The following CTNNA3 variants were observed in gnomAD, a reference collection of about 807,000 sequenced individuals.
The protein encoded by CTNNA3 is catenin alpha 3, also known as catenin alpha-3.
Under a neutral mutation model 95.7 loss-of-function variants are expected in CTNNA3, and 76 were observed. That is an observed-to-expected ratio of 0.79 (90% CI 0.66 to 0.96). The LOEUF is 0.96. CTNNA3 is among the 40% of genes least tolerant of loss of function. The probability of loss-of-function intolerance (pLI) is 0.00; values close to 1 mark genes in which losing one functional copy is unlikely to be tolerated. For synonymous variants in CTNNA3, 431 were observed against 374.4 expected (o/e 1.15, Z -1.74); for missense variants, 1,191 against 1,089.8 (o/e 1.09, Z -1.31).
intron 7 of CTNNA3, among the ~76,000 whole-genome samples, chr10:67,018,501 T>A (rs1445775701): frequency 6.6e-6 from 1 of 152,226 alleles, no homozygotes; most frequent in Admixed American, 6.5e-5. Flanking sequence ...GTTATAAACA[T>A]GTTTGGGAAC....
chr10:66,028,526 A>G (rs950044677), intron 15 of CTNNA3, among the ~76,000 whole-genome samples: 2 of 151,552 alleles, frequency 1.3e-5, no homozygotes, highest in African/African-American at 2.4e-5. Context: ...GTTCTCACTC[A>G]TAGGTGGGAA....
chr10:66,572,308 G>A (rs1388650192), intron 10 of CTNNA3, among the ~76,000 whole-genome samples: 6 of 151,598 alleles, frequency 4.0e-5, no homozygotes, highest in Admixed American at 1.3e-4. Flanking sequence ...GCTTAAACCC[G>A]GGAGGCGGAG....
chr10:66,590,988 A>G (rs938224424), intron 10 of CTNNA3, among the ~76,000 whole-genome samples: 7 of 152,122 alleles, frequency 4.6e-5, no homozygotes, highest in African/African-American at 1.4e-4. Context: ...ACTGAGTGGG[A>G]GTGGTTTTAA....
intron 15 of CTNNA3, among the ~76,000 whole-genome samples, chr10:66,016,910 T>C (rs1436930790): frequency 6.6e-6 from 1 of 152,198 alleles, no homozygotes; most frequent in East Asian, 1.9e-4. Flanking sequence ...AAATTCTGCA[T>C]TAGTATAACC....
At chr10:66,255,232 A>G (rs2090719813) in intron 13 of CTNNA3, among the ~76,000 whole-genome samples, 1 of 152,170 alleles carries the variant, frequency 6.6e-6, no homozygotes, top group African/African-American at 2.4e-5. Flanking sequence ...TAGGCCCTCT[A>G]TCCATGGTAG....
chr10:67,506,102 T>C (rs1839422139), intron 5 of CTNNA3, among the ~76,000 whole-genome samples: 1 of 152,222 alleles, frequency 6.6e-6, no homozygotes, highest in African/African-American at 2.4e-5. Context: ...GCAATTTACA[T>C]TGTAAAAATT....
At chr10:66,617,938 T>A (rs1844585420) in intron 10 of CTNNA3, among the ~76,000 whole-genome samples, 1 of 151,426 alleles carries the variant, frequency 6.6e-6, no homozygotes, top group African/African-American at 2.4e-5. Context: ...GAGAGCCAAA[T>A]CATGAGTGAA....
chr10:67,678,287 G>A (rs1311538697), intron 1 of CTNNA3, among the ~76,000 whole-genome samples: 1 of 152,046 alleles, frequency 6.6e-6, no homozygotes, highest in Non-Finnish European at 1.5e-5. Flanking sequence ...GTGATGGAAA[G>A]GCTAAAAAGA....
rs2132742554 is a variant in CTNNA3 at position 66,955,721 on chromosome 10, A to G, written c.1048-180197T>C. ...TGTCACAAACTGGAGATCAGCCTCCATTGTTCTTCCTCTTCTGTAATTTGA... is the reference window on the plus strand; with the variant it reads ...TGTCACAAACTGGAGATCAGCCTCCGTTGTTCTTCCTCTTCTGTAATTTGA... On this transcript the variant is annotated intron_variant, in intron 7 of 17. Transcript: ENST00000433211. Among the ~76,000 whole-genome samples, 3 of 152,272 alleles carry G rather than the reference A, an allele frequency of 2.0e-5. No homozygotes were observed. In the Middle Eastern group the frequency reaches 0.01, roughly 518 times the overall value.
intron 1 of CTNNA3, among the ~76,000 whole-genome samples, chr10:67,724,612 A>C (rs920915373): frequency 2.0e-5 from 3 of 152,138 alleles, no homozygotes; most frequent in African/African-American, 7.2e-5. Context: ...CCCAAGATTA[A>C]CCCACAACCA....
chr10:67,241,277 G>T (rs1012371964), intron 5 of CTNNA3, among the ~76,000 whole-genome samples: 2 of 152,164 alleles, frequency 1.3e-5, no homozygotes, highest in East Asian at 3.9e-4. Context: ...ACAAAAATTA[G>T]TTGGGCATGG....
intron 7 of CTNNA3, among the ~76,000 whole-genome samples, chr10:67,000,208 C>T (rs1381139753): frequency 6.6e-6 from 1 of 152,072 alleles, no homozygotes; most frequent in African/African-American, 2.4e-5. Flanking sequence ...GAAACATTTA[C>T]AAGAATCTTT....
At chr10:66,195,437 T>C (rs1352075982) in intron 13 of CTNNA3, among the ~76,000 whole-genome samples, 3 of 152,136 alleles carry the variant, frequency 2.0e-5, no homozygotes, top group African/African-American at 7.2e-5. Flanking sequence ...TAAATAATAT[T>C]AAAATGAATA....
chr10:66,629,251 G>C (rs1255824102), intron 9 of CTNNA3, among the ~76,000 whole-genome samples: 2 of 152,074 alleles, frequency 1.3e-5, no homozygotes, highest in Non-Finnish European at 2.9e-5. Context: ...AGTCTGACAT[G>C]AACAGAGGAC....
intron 13 of CTNNA3, among the ~76,000 whole-genome samples, chr10:66,154,867 C>T (rs2084408502): frequency 6.6e-6 from 1 of 150,838 alleles, no homozygotes; most frequent in East Asian, 1.9e-4. Context: ...GGTAACCAAA[C>T]AGTTCTTTTA....
At chr10:66,413,269 T>C (rs527647139) in intron 11 of CTNNA3, among the ~76,000 whole-genome samples, 1 of 152,268 alleles carries the variant, frequency 6.6e-6, no homozygotes, top group South Asian at 2.1e-4. Context: ...ACTTGTTGTA[T>C]ATCCAGAATC....
chr10:67,220,465 A>G (rs1273338832), intron 5 of CTNNA3, among the ~76,000 whole-genome samples: 1 of 152,212 alleles, frequency 6.6e-6, no homozygotes, highest in Non-Finnish European at 1.5e-5. Context: ...AAAATCCTAC[A>G]AGGACCTTGT....
chr10:67,371,185 A>T (rs1843432434), intron 5 of CTNNA3, among the ~76,000 whole-genome samples: 1 of 151,566 alleles, frequency 6.6e-6, no homozygotes, highest in Non-Finnish European at 1.5e-5. Context: ...TTTTACAGCA[A>T]GAAATTGTTC....
chr10:66,432,708 G>A (rs2093307465), intron 11 of CTNNA3, among the ~76,000 whole-genome samples: 1 of 151,028 alleles, frequency 6.6e-6, no homozygotes, highest in Non-Finnish European at 1.5e-5. Context: ...AGAACATGCA[G>A]CTTTGTTACA....
Sources: gnomAD v4.1 joint callset for allele counts (sites outside exome capture counted in the v4.1 genomes callset) on GRCh38, gnomAD v4.1.1 for gene constraint, MANE v1.5 for transcripts, NCBI Gene and HGNC (gene_info 2026-07-23, HGNC 2026-07-21) for gene names.